The following CIMIP6 variants were observed in gnomAD, a reference collection of about 807,000 sequenced individuals.
The protein encoded by CIMIP6 is ciliary microtubule inner protein 6.
chr2:54,347,807 G>C, the CIMIP6 span, among the ~76,000 whole-genome samples: 3 of 152,170 alleles, frequency 2.0e-5, no homozygotes, highest in East Asian at 5.8e-4. Flanking sequence ...AGAGGTATGT[G>C]ATGCCTCCCG....
At chr2:54,381,731 G>C in the CIMIP6 span, 19 of 1,379,532 alleles carry the variant, frequency 1.4e-5, no homozygotes, top group Non-Finnish European at 1.8e-5. Flanking sequence ...TTTGAGGCTT[G>C]AATGACTTTT....
the CIMIP6 span, among the ~76,000 whole-genome samples, chr2:54,372,191 CTA>C: frequency 2.0e-5 from 3 of 152,174 alleles, no homozygotes; most frequent in African/African-American, 7.2e-5. Flanking sequence ...CAAACTGTAA[CTA>C]TGCAGTGGAG....
chr2:54,355,755 T>TA, the CIMIP6 span, among the ~76,000 whole-genome samples: 1 of 152,212 alleles, frequency 6.6e-6, no homozygotes, highest in Non-Finnish European at 1.5e-5. Flanking sequence ...ATTTCTAACA[T>TA]TTTTTGTTAT....
At chr2:54,334,076 T>C in the CIMIP6 span, among the ~76,000 whole-genome samples, 1 of 152,174 alleles carries the variant, frequency 6.6e-6, no homozygotes, top group African/African-American at 2.4e-5. Context: ...AAAGCTTCTA[T>C]GTAAAAAGTA....
chr2:54,369,303 G>C, the CIMIP6 span, among the ~76,000 whole-genome samples: 1 of 151,828 alleles, frequency 6.6e-6, no homozygotes, highest in Admixed American at 6.5e-5. Context: ...AATAATCTTA[G>C]GAGGCTAAAA....
chr2:54,369,993 C>T, the CIMIP6 span, among the ~76,000 whole-genome samples: 1 of 152,178 alleles, frequency 6.6e-6, no homozygotes, highest in Non-Finnish European at 1.5e-5. Flanking sequence ...TGTAGTGGCT[C>T]ACACCTGTAA....
the CIMIP6 span, among the ~76,000 whole-genome samples, chr2:54,347,772 C>G: frequency 6.6e-6 from 1 of 152,172 alleles, no homozygotes; most frequent in Non-Finnish European, 1.5e-5. Flanking sequence ...ATCACCTTGT[C>G]CCGCTGCCCC....
the CIMIP6 span, among the ~76,000 whole-genome samples, chr2:54,379,553 A>G: frequency 6.6e-6 from 1 of 152,156 alleles, no homozygotes; most frequent in Admixed American, 6.5e-5. Context: ...AGGAGGGCAA[A>G]GAAAGTCCAG....
At chr2:54,363,120 A>G in the CIMIP6 span, among the ~76,000 whole-genome samples, 1 of 152,156 alleles carries the variant, frequency 6.6e-6, no homozygotes, top group Non-Finnish European at 1.5e-5. Context: ...CAATTCTATT[A>G]ACTTTTGTTT....
the CIMIP6 span, among the ~76,000 whole-genome samples, chr2:54,366,483 G>GAA: frequency 3.9e-5 from 6 of 152,154 alleles, no homozygotes; most frequent in Non-Finnish European, 7.4e-5. Flanking sequence ...TACAATGATT[G>GAA]AGCATTTTCT....
the CIMIP6 span, chr2:54,330,889 C>A: frequency 1.5e-6 from 2 of 1,345,712 alleles, no homozygotes; most frequent in South Asian, 1.2e-5. Context: ...GAGTCACAGT[C>A]GCCGCGCTTT....
At chr2:54,357,461 C>T in the CIMIP6 span, among the ~76,000 whole-genome samples, 1 of 152,062 alleles carries the variant, frequency 6.6e-6, no homozygotes, top group Non-Finnish European at 1.5e-5. Context: ...ACTGAATCTA[C>T]TTCTCCCCAC....
the CIMIP6 span, among the ~76,000 whole-genome samples, chr2:54,373,824 T>C: frequency 2.0e-5 from 3 of 152,204 alleles, no homozygotes; most frequent in Non-Finnish European, 2.9e-5. Flanking sequence ...TCTGTGCTGC[T>C]TCCAGCCCTC....
At chr2:54,341,978 C>G in the CIMIP6 span, among the ~76,000 whole-genome samples, 1 of 152,156 alleles carries the variant, frequency 6.6e-6, no homozygotes, top group African/African-American at 2.4e-5. Context: ...ATCAAGTAGT[C>G]TTAATTTTTT....
At chr2:54,360,134 C>T in the CIMIP6 span, 33 of 1,458,306 alleles carry the variant, frequency 2.3e-5, no homozygotes, top group Non-Finnish European at 3.0e-5. Flanking sequence ...CGCACAAATT[C>T]AGTTCACAGC....
chr2:54,331,754 T>C, the CIMIP6 span, among the ~76,000 whole-genome samples: 4 of 152,102 alleles, frequency 2.6e-5, no homozygotes, highest in African/African-American at 7.2e-5. Flanking sequence ...CAGGTGATTC[T>C]GATGTACCTT....
the CIMIP6 span, among the ~76,000 whole-genome samples, chr2:54,362,049 A>G: frequency 0.27 from 40,739 of 152,002 alleles, 5,935 homozygotes; most frequent in Non-Finnish European, 0.31. Flanking sequence ...AAAAAGTAAA[A>G]CCCCAAGCTT....
chr2:54,351,201 G>C, the CIMIP6 span, among the ~76,000 whole-genome samples: 1 of 152,156 alleles, frequency 6.6e-6, no homozygotes, highest in Admixed American at 6.5e-5. Flanking sequence ...ATTAAATTCT[G>C]TTAGCATTTT....
chr2:54,379,663 C>T, the CIMIP6 span, among the ~76,000 whole-genome samples: 1 of 151,480 alleles, frequency 6.6e-6, no homozygotes, highest in Admixed American at 6.6e-5. Flanking sequence ...ATAGGGAGAC[C>T]CTGTCTCTAC....
Sources: allele counts gnomAD v4.1 joint callset (sites outside exome capture counted in the v4.1 genomes callset), GRCh38; gene constraint gnomAD v4.1.1; transcripts MANE v1.5; gene names NCBI Gene and HGNC (gene_info 2026-07-23, HGNC 2026-07-21).